Variants in TRMT11 observed in about 807,000 individuals in gnomAD.
The protein encoded by TRMT11 is tRNA (guanine(10)-N(2))-methyltransferase TRMT11.
In TRMT11, 53 loss-of-function variants were observed where a neutral mutation model predicts 62.8. The ratio of observed to expected loss-of-function variants is 0.84; its 90% CI spans 0.68 to 1.06. The LOEUF (loss-of-function observed/expected upper bound fraction) is 1.06. Ranked by LOEUF, TRMT11 falls within the 50% of genes least tolerant of loss-of-function variation. TRMT11 has a pLI of 0.00. For missense variants in TRMT11, 556 were observed against 553.4 expected, an observed-to-expected ratio of 1.00 and a Z score of -0.05; for synonymous variants, 188 against 190.3, an observed-to-expected ratio of 0.99 and a Z score of 0.10.
At chr6:126,212,956 A>C in the TRMT11 span, among the ~76,000 whole-genome samples, 2 of 152,078 alleles carry the variant, frequency 1.3e-5, no homozygotes, top group Non-Finnish European at 2.9e-5. Flanking sequence ...TATATGGTGA[A>C]AGATAGGGGT....
chr6:126,092,243 G>A (rs1777284871), intron 17 of TRMT11, among the ~76,000 whole-genome samples: 1 of 152,008 alleles, frequency 6.6e-6, no homozygotes, highest in Non-Finnish European at 1.5e-5. Flanking sequence ...TCATTTTCAT[G>A]CTGCTGATAA....
chr6:126,264,742 A>C, the TRMT11 span, among the ~76,000 whole-genome samples: 1 of 152,188 alleles, frequency 6.6e-6, no homozygotes, highest in Non-Finnish European at 1.5e-5. Flanking sequence ...TTTCTCTGCA[A>C]CACTGGATCT....
intron 17 of TRMT11, among the ~76,000 whole-genome samples, chr6:126,098,507 G>C (rs986126122): frequency 2.6e-5 from 4 of 152,150 alleles, no homozygotes; most frequent in African/African-American, 7.2e-5. Flanking sequence ...CTTTTAAAAA[G>C]TACCTCAAAT....
At chr6:126,134,952 A>C (rs1467812322) in intron 21 of TRMT11, among the ~76,000 whole-genome samples, 2 of 151,782 alleles carry the variant, frequency 1.3e-5, no homozygotes, top group Non-Finnish European at 3.0e-5. Context: ...TCAAATAAAG[A>C]CAGAACACAA....
chr6:126,210,482 C>T, the TRMT11 span, among the ~76,000 whole-genome samples: 8 of 152,180 alleles, frequency 5.3e-5, no homozygotes, highest in African/African-American at 1.4e-4. Context: ...CTCAGTTTAT[C>T]CCTGACTGGA....
At chr6:126,105,911 G>A (rs1777459183) in intron 17 of TRMT11, among the ~76,000 whole-genome samples, 2 of 152,142 alleles carry the variant, frequency 1.3e-5, no homozygotes, top group African/African-American at 4.8e-5. Flanking sequence ...TGATACCTGG[G>A]TTTCTGATAA....
chr6:126,113,826 T>C (rs1019053161), intron 18 of TRMT11, among the ~76,000 whole-genome samples: 1 of 152,072 alleles, frequency 6.6e-6, no homozygotes, highest in African/African-American at 2.4e-5. Context: ...ACCTCACACC[T>C]ATTGAATCTG....
At chr6:126,081,581 G>A (rs530524647) in intron 17 of TRMT11, among the ~76,000 whole-genome samples, 32 of 152,276 alleles carry the variant, frequency 2.1e-4, no homozygotes, top group African/African-American at 7.5e-4. Context: ...TCTGGAGTAA[G>A]GGGATAAGTT....
At chr6:126,107,849 G>C (rs1777481812) in intron 17 of TRMT11, among the ~76,000 whole-genome samples, 1 of 152,132 alleles carries the variant, frequency 6.6e-6, no homozygotes, top group African/African-American at 2.4e-5. Context: ...AATGAAGTCT[G>C]TCGCGTGATT....
At chr6:125,986,773 G>A (rs1789704380) in intron 1 of TRMT11, 151 bp downstream of exon 1, 1 of 697,814 alleles carries the variant, frequency 1.4e-6, no homozygotes, top group African/African-American at 1.8e-5. Flanking sequence ...CCTCGGGCGG[G>A]GTGAGCTTGG....
intron 16 of TRMT11, among the ~76,000 whole-genome samples, chr6:126,051,859 G>A (rs1363451022): frequency 6.6e-6 from 1 of 152,140 alleles, no homozygotes; most frequent in Non-Finnish European, 1.5e-5. Flanking sequence ...AGCAAAGCCA[G>A]GCAATGATTA....
chr6:126,176,452 A>G (rs564821381), upstream of TRMT11, among the ~76,000 whole-genome samples: 18 of 152,218 alleles, frequency 1.2e-4, no homozygotes, highest in South Asian at 3.5e-3. Context: ...AATCCAACTG[A>G]CCACTTGAGG....
At chr6:126,269,861 G>A in the TRMT11 span, among the ~76,000 whole-genome samples, 3 of 152,248 alleles carry the variant, frequency 2.0e-5, no homozygotes, top group African/African-American at 7.2e-5. Flanking sequence ...ATATGTATCT[G>A]CTGATTTTTT....
Position 126,143,120 on chromosome 6 carries a change from T to A in TRMT11, c.*1823+27265T>A, listed in dbSNP as rs986690757. On this transcript the variant is annotated intron_variant and NMD_transcript_variant, in intron 21 of 22. Transcript: ENST00000648977. Reference sequence around the variant, plus strand: ...CTTAATATTTTAACACATATTTCCTTGTCATGTTTCACCACATGTATCCTT... The same window carrying A: ...CTTAATATTTTAACACATATTTCCTAGTCATGTTTCACCACATGTATCCTT... Among the ~76,000 whole-genome samples the A allele has an allele frequency of 3.3e-5, 5 of 152,148 alleles. No individual in the cohort carries two copies. In the East Asian group the frequency reaches 9.6e-4, roughly 29 times the overall value.
chr6:126,056,261 C>G (rs1017893502), intron 17 of TRMT11, among the ~76,000 whole-genome samples: 1 of 152,158 alleles, frequency 6.6e-6, no homozygotes, highest in African/African-American at 2.4e-5. Flanking sequence ...GAAGAGAAAA[C>G]ACAGAGCCTA....
intron 21 of TRMT11, among the ~76,000 whole-genome samples, chr6:126,159,733 A>C (rs1174725287): frequency 6.6e-6 from 1 of 152,164 alleles, no homozygotes; most frequent in Admixed American, 6.5e-5. Flanking sequence ...GGTCCCTCTG[A>C]AACCTCTAGA....
the TRMT11 span, among the ~76,000 whole-genome samples, chr6:126,217,054 G>T: frequency 6.6e-6 from 1 of 152,114 alleles, no homozygotes; most frequent in Non-Finnish European, 1.5e-5. Flanking sequence ...TATGTCAGTT[G>T]TGTTTTTCAA....
At chr6:126,206,523 ATCT>A (rs1778793621), downstream of TRMT11, among the ~76,000 whole-genome samples, 1 of 152,240 alleles carries the variant, frequency 6.6e-6, no homozygotes. Context: ...TATTCTCTAT[ATCT>A]TTCAGCCTTG....
At chr6:126,249,548 A>T in the TRMT11 span, among the ~76,000 whole-genome samples, 1 of 152,178 alleles carries the variant, frequency 6.6e-6, no homozygotes, top group Non-Finnish European at 1.5e-5. Context: ...AGTGTTATAA[A>T]ATTGTGCATA....
Sources: gnomAD v4.1 joint callset for allele counts (sites outside exome capture counted in the v4.1 genomes callset) on GRCh38, gnomAD v4.1.1 for gene constraint, MANE v1.5 for transcripts, NCBI Gene and HGNC (gene_info 2026-07-23, HGNC 2026-07-21) for gene names.